CHN2: variants seen among roughly 807,000 people sequenced by gnomAD.
CHN2 encodes beta-chimaerin.
A neutral mutation model predicts 56.3 loss-of-function variants in CHN2; 35 were observed. The ratio of observed to expected loss-of-function variants is 0.62; its 90% CI spans 0.47 to 0.82. The LOEUF (loss-of-function observed/expected upper bound fraction) is 0.82, where lower values mean the gene tolerates loss of function less well. CHN2 is among the 40% of genes least tolerant of loss of function. The pLI is 0.00. For synonymous variants in CHN2, 210 were observed against 212.8 expected (o/e 0.99, Z 0.12); for missense variants, 491 against 580.5 (o/e 0.85, Z 1.58).
chr7:29,389,097 G>A (rs569091605), intron 3 of CHN2, among the ~76,000 whole-genome samples: 2 of 151,752 alleles, frequency 1.3e-5, no homozygotes. Flanking sequence ...AGCATGTTGG[G>A]AACGTCTCTT....
chr7:29,148,138 C>T (rs1403406), intron 2 of CHN2, among the ~76,000 whole-genome samples: 14,505 of 152,156 alleles, frequency 0.095, 1,557 homozygotes, highest in African/African-American at 0.24. Flanking sequence ...CTGCTGCTGG[C>T]GTGCAGACCC....
chr7:29,293,782 T>TCGC (rs1792874391), intron 1 of CHN2, among the ~76,000 whole-genome samples: 1 of 151,906 alleles, frequency 6.6e-6, no homozygotes, highest in African/African-American at 2.4e-5. Flanking sequence ...TCTCATTGTC[T>TCGC]CGCTCACTAT....
At chr7:29,301,346 C>T (rs1793638858) in intron 1 of CHN2, among the ~76,000 whole-genome samples, 1 of 10,792 alleles carries the variant, frequency 9.3e-5, no homozygotes, top group Admixed American at 1.7e-3. Flanking sequence ...AACAGGTACA[C>T]ACACACACAC....
Position 29,400,806 on chromosome 7 carries a change from A to G in CHN2, c.554A>G (p.Glu185Gly). 3 of 1,613,902 alleles carry G rather than the reference A, an allele frequency of 1.9e-6. No individual in the cohort carries two copies. The highest frequency in any genetic ancestry group is 2.5e-6 in the Non-Finnish European group (3 of 1,179,946). The change falls in exon 6 of 13, where the codon GAA becomes GGA. Residue 185 changes from glutamate to glycine, a missense_variant. Coordinates refer to ENST00000222792, the MANE Select transcript of CHN2 (RefSeq NM_004067.4). ...NEPRKTNVTHEEHTAVEKISS... is the reference protein window; with the variant it reads ...NEPRKTNVTHGEHTAVEKISS... Reference sequence around the variant, plus strand: ...CCAAGAAAAACAAACGTCACACATGAAGAACACACAGCGGTGGAAAAGGTG... The same window carrying G: ...CCAAGAAAAACAAACGTCACACATGGAGAACACACAGCGGTGGAAAAGGTG...
chr7:29,452,215 C>A (rs535730802), intron 6 of CHN2, among the ~76,000 whole-genome samples: 1 of 152,184 alleles, frequency 6.6e-6, no homozygotes, highest in East Asian at 1.9e-4. Context: ...TTCTAGTTTG[C>A]TTCTGCTGTC....
At chr7:29,321,570 C>CTTTTT (rs59651474) in intron 1 of CHN2, among the ~76,000 whole-genome samples, 9 of 128,188 alleles carry the variant, frequency 7.0e-5, no homozygotes, top group Non-Finnish European at 1.1e-4. Flanking sequence ...TTCTTTCTTT[C>CTTTTT]TTTTTTTTTT....
chr7:29,460,727 G>A (rs1585474382), intron 6 of CHN2, among the ~76,000 whole-genome samples: 1 of 152,316 alleles, frequency 6.6e-6, no homozygotes, highest in East Asian at 1.9e-4. Flanking sequence ...CCATCTCTTG[G>A]TATCGGAGGG....
intron 6 of CHN2, among the ~76,000 whole-genome samples, chr7:29,411,820 G>A (rs544804874): frequency 1.2e-4 from 19 of 152,236 alleles, no homozygotes; most frequent in East Asian, 1.2e-3. Flanking sequence ...TGAGCTTCTC[G>A]CGGAGCTGCC....
chr7:29,212,180 T>C (rs766122531), intron 1 of CHN2: 2 of 603,806 alleles, frequency 3.3e-6, no homozygotes, highest in Non-Finnish European at 5.9e-6. Context: ...TCCCAACTTC[T>C]TGATACTTTT....
At chr7:29,211,369 C>T (rs1399498109) in intron 1 of CHN2, among the ~76,000 whole-genome samples, 35 of 151,838 alleles carry the variant, frequency 2.3e-4, no homozygotes, top group Admixed American at 1.8e-3. Flanking sequence ...TGAGCCACCG[C>T]GCCCGGCCCT....
At chr7:29,332,771 G>T (rs550167316) in intron 1 of CHN2, 2 of 152,220 alleles carry the variant, frequency 1.3e-5, no homozygotes, top group South Asian at 2.1e-4. Context: ...AGTGCTCTGA[G>T]CACGTTTAAG....
intron 5 of CHN2, 63 bp from the exon 6 acceptor site, chr7:29,400,480 G>T: frequency 6.6e-7 from 1 of 1,513,752 alleles, no homozygotes; most frequent in South Asian, 1.2e-5. Flanking sequence ...AGCTGCTATT[G>T]TTATCATTCC....
At chr7:29,376,666 T>G (rs190803058) in intron 3 of CHN2, among the ~76,000 whole-genome samples, 251 of 152,348 alleles carry the variant, frequency 1.6e-3, no homozygotes, top group African/African-American at 5.7e-3. Context: ...AGACTCAAGA[T>G]GCTTTTGCCT....
At chr7:29,366,949 A>C (rs751711357) in intron 2 of CHN2, among the ~76,000 whole-genome samples, 6 of 152,192 alleles carry the variant, frequency 3.9e-5, no homozygotes, top group Non-Finnish European at 7.3e-5. Flanking sequence ...ATAGATCAGA[A>C]AGTTTTGCTT....
chr7:29,473,425 C>T (rs1281729764), intron 6 of CHN2, among the ~76,000 whole-genome samples: 1 of 148,070 alleles, frequency 6.8e-6, no homozygotes, highest in Non-Finnish European at 1.5e-5. Context: ...TTTAATTGGG[C>T]AGAGGTAGAG....
At chr7:29,332,645 T>G (rs1020545471) in intron 1 of CHN2, among the ~76,000 whole-genome samples, 4 of 152,260 alleles carry the variant, frequency 2.6e-5, no homozygotes, top group Non-Finnish European at 5.9e-5. Flanking sequence ...ATAGTATATT[T>G]TATGTTATTC....
intron 1 of CHN2, among the ~76,000 whole-genome samples, chr7:29,210,995 C>T (rs929989045): frequency 6.6e-6 from 1 of 152,134 alleles, no homozygotes; most frequent in Admixed American, 6.5e-5. Flanking sequence ...TTGGCTTTTA[C>T]ACTGAGATAG....
chr7:29,500,186 C>T, intron 9 of CHN2, 146 bp downstream of exon 9: 2 of 512,484 alleles, frequency 3.9e-6, no homozygotes, highest in East Asian at 3.2e-5. Context: ...CTCTCTCTCT[C>T]TCACAGGTAG....
At chr7:29,427,835 T>G (rs888615723) in intron 6 of CHN2, among the ~76,000 whole-genome samples, 2 of 151,994 alleles carry the variant, frequency 1.3e-5, no homozygotes, top group Non-Finnish European at 2.9e-5. Flanking sequence ...TTTTGTATTT[T>G]TAGTAGAGAC....
Sources: gnomAD v4.1 joint callset for allele counts (sites outside exome capture counted in the v4.1 genomes callset) on GRCh38, gnomAD v4.1.1 for gene constraint, MANE v1.5 for transcripts, NCBI Gene and HGNC (gene_info 2026-07-23, HGNC 2026-07-21) for gene names.